PRELID2: variants seen among roughly 807,000 people sequenced by gnomAD.
The protein encoded by PRELID2 is PRELI domain containing 2, also known as PRELI domain-containing protein 2.
Under a neutral mutation model 28.4 loss-of-function variants are expected in PRELID2, and 25 were observed. The ratio of observed to expected loss-of-function variants is 0.88; its 90% CI spans 0.64 to 1.23. The LOEUF (loss-of-function observed/expected upper bound fraction) is 1.23, where lower values mean the gene tolerates loss of function less well. Among genes scored for constraint, PRELID2 ranks in the 50% most tolerant of loss-of-function variants. The pLI is 0.00. For synonymous variants in PRELID2, 76 were observed against 71.6 expected (o/e 1.06, Z -0.31); for missense variants, 201 against 214.4 (o/e 0.94, Z 0.39).
At chr5:145,399,132 T>C in the PRELID2 span, among the ~76,000 whole-genome samples, 1 of 152,116 alleles carries the variant, frequency 6.6e-6, no homozygotes, top group Non-Finnish European at 1.5e-5. Flanking sequence ...ATATTCTTAC[T>C]GGGTCAAGTT....
At chr5:145,497,730 G>A (rs1040527140) in intron 1 of PRELID2, among the ~76,000 whole-genome samples, 20 of 152,116 alleles carry the variant, frequency 1.3e-4, no homozygotes, top group African/African-American at 2.4e-5. Flanking sequence ...AACAACAGAT[G>A]GCTAAAATAT....
chr5:145,689,849 G>C (rs1427672989), intron 1 of PRELID2, among the ~76,000 whole-genome samples: 1 of 152,072 alleles, frequency 6.6e-6, no homozygotes, highest in African/African-American at 2.4e-5. Context: ...TTATCCTCAG[G>C]GCCTTGCATC....
At chr5:145,463,255 T>C in the PRELID2 span, among the ~76,000 whole-genome samples, 1 of 151,858 alleles carries the variant, frequency 6.6e-6, no homozygotes, top group Non-Finnish European at 1.5e-5. Context: ...TTCACAATTA[T>C]AAATCTTTGC....
At chr5:145,726,743 C>G (rs904074630) in intron 1 of PRELID2, among the ~76,000 whole-genome samples, 4 of 152,180 alleles carry the variant, frequency 2.6e-5, no homozygotes, top group Admixed American at 6.5e-5. Flanking sequence ...AGTTCTGACA[C>G]CAGCTGTAGC....
At chr5:145,731,801 T>TC (rs2149727129) in intron 1 of PRELID2, among the ~76,000 whole-genome samples, 1 of 152,310 alleles carries the variant, frequency 6.6e-6, no homozygotes, top group African/African-American at 2.4e-5. Context: ...ATAGAGGACT[T>TC]CATGTCCCTG....
At chr5:145,369,733 C>T in the PRELID2 span, among the ~76,000 whole-genome samples, 17 of 152,112 alleles carry the variant, frequency 1.1e-4, no homozygotes, top group African/African-American at 3.9e-4. Context: ...TTTACATTCC[C>T]ACCAACAGTG....
At chr5:145,343,126 A>T in the PRELID2 span, among the ~76,000 whole-genome samples, 1 of 151,972 alleles carries the variant, frequency 6.6e-6, no homozygotes, top group Admixed American at 6.6e-5. Context: ...ACAAAAAAAA[A>T]TTAACAAAGA....
chr5:145,523,994 C>T (rs774812110), intron 1 of PRELID2, among the ~76,000 whole-genome samples: 2 of 152,274 alleles, frequency 1.3e-5, no homozygotes, highest in Middle Eastern at 6.8e-3. Context: ...ATTCTGCTAA[C>T]GTCTTTAGAA....
chr5:145,833,257 A>C (rs775913844), intron 1 of PRELID2, among the ~76,000 whole-genome samples: 9 of 152,198 alleles, frequency 5.9e-5, no homozygotes, highest in Non-Finnish European at 1.3e-4. Context: ...AACACAACAC[A>C]TACAGAAGTC....
At chr5:145,801,347 T>C (rs1753126898) in intron 4 of PRELID2, among the ~76,000 whole-genome samples, 1 of 152,140 alleles carries the variant, frequency 6.6e-6, no homozygotes, top group African/African-American at 2.4e-5. Flanking sequence ...TCTCGTTTCT[T>C]TGTAGCTTGT....
At position 145,740,841 on chromosome 5, in the gene PRELID2, G is replaced by GTATATATATTTATCC. The variant is rs1561566829; in HGVS notation, n.70+24089_70+24090insGGATAAATATATATA. 6.1e-5 allele frequency among the ~76,000 whole-genome samples: 2 copies of GTATATATATTTATCC among 32,852 alleles called. 1 individual carries two copies. Among genetic ancestry groups the GTATATATATTTATCC allele is most frequent in the East Asian group, 2.8e-3 (2 of 714 alleles). The allele number at this position is 32,852 out of a possible 152,430, so 21.6% of individuals were successfully genotyped here. On this transcript the variant is annotated intron_variant and non_coding_transcript_variant, in intron 1 of 2. Coordinates refer to the PRELID2 transcript ENST00000510259. ...ACATATATACAAATATATATTTATC[G>GTATATATATTTATCC]ATAAATATATATGTACATATATTTA...
chr5:145,267,930 CTG>C, the PRELID2 span, among the ~76,000 whole-genome samples: 278 of 152,186 alleles, frequency 1.8e-3, no homozygotes, highest in African/African-American at 6.3e-3. Context: ...TTTAATATAA[CTG>C]TTTACCATTT....
chr5:145,381,796 A>ACG, the PRELID2 span: 2 of 152,200 alleles, frequency 1.3e-5, no homozygotes, highest in Non-Finnish European at 2.9e-5. Flanking sequence ...TTCTATAACA[A>ACG]AAATAATTCT....
intron 1 of PRELID2, among the ~76,000 whole-genome samples, chr5:145,525,005 A>G (rs1318127688): frequency 6.6e-6 from 1 of 152,206 alleles, no homozygotes; most frequent in East Asian, 1.9e-4. Context: ...AACCAGAACC[A>G]ATCCTAATGC....
chr5:145,633,465 G>A (rs10043538), intron 1 of PRELID2, among the ~76,000 whole-genome samples: 2,717 of 152,070 alleles, frequency 0.018, 96 homozygotes, highest in African/African-American at 0.062. Flanking sequence ...GCCCTCTCTC[G>A]TCAACCACAG....
chr5:145,554,931 A>C (rs535185710), intron 1 of PRELID2, among the ~76,000 whole-genome samples: 9 of 152,360 alleles, frequency 5.9e-5, no homozygotes, highest in African/African-American at 2.2e-4. Flanking sequence ...CAAGCAATAT[A>C]GAAGTTGTCC....
Position 145,519,464 on chromosome 5 carries a change from C to G in PRELID2, n.71-46149G>C, listed in dbSNP as rs180898276. ...GATGATGTCAATAACAGCCACATAC[C>G]CTATAAACCATTACTTGGTTTTCCT... is the stretch of plus-strand genomic sequence containing the variant. On this transcript the variant is annotated intron_variant and non_coding_transcript_variant, in intron 1 of 2. Transcript: ENST00000510259. Among the ~76,000 whole-genome samples, 391 of 152,254 alleles carry G rather than the reference C, an allele frequency of 2.6e-3. 2 individuals carry two copies. Among genetic ancestry groups the G allele is most frequent in the African/African-American group, 9.1e-3 (377 of 41,534 alleles).
intron 1 of PRELID2, among the ~76,000 whole-genome samples, chr5:145,625,416 A>G (rs972627772): frequency 2.6e-5 from 4 of 152,198 alleles, no homozygotes; most frequent in African/African-American, 9.6e-5. Context: ...GCACATCATC[A>G]TGAATAAACC....
intron 1 of PRELID2, among the ~76,000 whole-genome samples, chr5:145,540,797 A>T (rs76772440): frequency 1.5e-3 from 226 of 151,946 alleles, no homozygotes; most frequent in African/African-American, 5.4e-3. Context: ...TATGCTTGAA[A>T]CCAGAATAAA....
Sources: allele counts gnomAD v4.1 joint callset (sites outside exome capture counted in the v4.1 genomes callset), GRCh38; gene constraint gnomAD v4.1.1; transcripts MANE v1.5; gene names NCBI Gene and HGNC (gene_info 2026-07-23, HGNC 2026-07-21).